The following LINGO2 variants were observed in gnomAD, a reference collection of about 807,000 sequenced individuals.
LINGO2 encodes the protein leucine-rich repeat and immunoglobulin-like domain-containing nogo receptor-interacting protein 2.
A neutral mutation model predicts 30.6 loss-of-function variants in LINGO2; 14 were observed. That is an observed-to-expected ratio of 0.46 (90% confidence interval 0.30 to 0.72). LINGO2 has a LOEUF of 0.72. Ranked by LOEUF, LINGO2 falls within the 30% of genes least tolerant of loss-of-function variation. LINGO2 has a pLI of 0.07. For synonymous variants in LINGO2, 317 were observed against 288.5 expected (o/e 1.10, Z -1.00); for missense variants, 729 against 751.7 (o/e 0.97, Z 0.35).
At chr9:28,955,723 A>C in the LINGO2 span, among the ~76,000 whole-genome samples, 1 of 152,140 alleles carries the variant, frequency 6.6e-6, no homozygotes, top group African/African-American at 2.4e-5. Context: ...CCCTTTAACC[A>C]TAATAGGGAA....
At chr9:28,340,707 C>T (rs1825739256) in intron 3 of LINGO2, among the ~76,000 whole-genome samples, 1 of 151,926 alleles carries the variant, frequency 6.6e-6, no homozygotes, top group African/African-American at 2.4e-5. Flanking sequence ...CAAAGCAATT[C>T]CAGGAAAAAA....
intron 2 of LINGO2, among the ~76,000 whole-genome samples, chr9:28,408,095 G>A (rs144958728): frequency 2.6e-5 from 4 of 152,214 alleles, no homozygotes; most frequent in Non-Finnish European, 5.9e-5. Context: ...TCTGTAAAGG[G>A]AGGAGGCAGT....
At chr9:28,121,352 T>G (rs1484789035) in intron 4 of LINGO2, among the ~76,000 whole-genome samples, 1 of 152,198 alleles carries the variant, frequency 6.6e-6, no homozygotes, top group Non-Finnish European at 1.5e-5. Flanking sequence ...ACCTATGCAA[T>G]GTAGGAATAA....
At chr9:28,264,088 T>C (rs776508531) in intron 4 of LINGO2, among the ~76,000 whole-genome samples, 2 of 151,988 alleles carry the variant, frequency 1.3e-5, no homozygotes, top group Non-Finnish European at 2.9e-5. Flanking sequence ...AAAAAATCTG[T>C]AGCCATCAAA....
intron 1 of LINGO2, among the ~76,000 whole-genome samples, chr9:28,569,166 G>T (rs10968656): frequency 0.11 from 16,244 of 151,902 alleles, 1,098 homozygotes; most frequent in East Asian, 0.26. Context: ...TACTGAAAAA[G>T]TAAACTTTGT....
the LINGO2 span, among the ~76,000 whole-genome samples, chr9:28,978,808 G>GAA: frequency 6.8e-6 from 1 of 148,086 alleles, no homozygotes; most frequent in African/African-American, 2.5e-5. Context: ...TTTATCCCAG[G>GAA]AAAAAAAATA....
chr9:28,785,696 AC>A, the LINGO2 span, among the ~76,000 whole-genome samples: 1 of 145,386 alleles, frequency 6.9e-6, no homozygotes, highest in Non-Finnish European at 1.5e-5. Flanking sequence ...GCACACACAC[AC>A]ACACACACAT....
chr9:28,159,196 G>A (rs1440056055), intron 4 of LINGO2, among the ~76,000 whole-genome samples: 1 of 152,100 alleles, frequency 6.6e-6, no homozygotes, highest in Non-Finnish European at 1.5e-5. Context: ...AAGAATTTTA[G>A]TTTGTTTTTA....
chr9:28,219,127 T>G (rs1483936056), intron 4 of LINGO2, among the ~76,000 whole-genome samples: 1 of 152,194 alleles, frequency 6.6e-6, no homozygotes, highest in Non-Finnish European at 1.5e-5. Context: ...TGAATATCAT[T>G]CCTTAGTGGC....
the LINGO2 span, among the ~76,000 whole-genome samples, chr9:29,052,822 G>A: frequency 2.0e-5 from 3 of 152,192 alleles, no homozygotes; most frequent in Middle Eastern, 3.4e-3. Context: ...GCTGGTATCT[G>A]ACCAACCATT....
At chr9:29,073,031 G>T in the LINGO2 span, among the ~76,000 whole-genome samples, 2 of 149,908 alleles carry the variant, frequency 1.3e-5, no homozygotes, top group South Asian at 2.1e-4. Flanking sequence ...TCACAGCTTG[G>T]CTAGAACCCC....
the LINGO2 span, among the ~76,000 whole-genome samples, chr9:29,170,027 C>G: frequency 1.3e-5 from 2 of 151,774 alleles, no homozygotes; most frequent in Non-Finnish European, 2.9e-5. Flanking sequence ...ACAACAACAA[C>G]AAAAAACAGT....
intron 5 of LINGO2, among the ~76,000 whole-genome samples, chr9:27,953,296 A>G (rs1204554339): frequency 1.2e-4 from 18 of 152,210 alleles, no homozygotes; most frequent in Non-Finnish European, 2.9e-5. Context: ...CTAGAAATGT[A>G]TCATTAGAAA....
chr9:28,383,257 TGTGTGTG>T lies in LINGO2; in HGVS notation c.-278-10396_-278-10390del, dbSNP rs1324512650. On this transcript the variant is annotated intron_variant, in intron 2 of 5. Coordinates refer to ENST00000379992, the Ensembl canonical transcript of LINGO2. ...AAACACTATAGATCACCATTCATTG[TGTGTGTG>T]TGTGTGTGTGTGTGTGTGTGTGTGT... Among the ~76,000 whole-genome samples, 1,267 of 149,004 alleles carry T rather than the reference TGTGTGTG, an allele frequency of 8.5e-3. 14 individuals are homozygous for T. Among genetic ancestry groups the T allele is most frequent in the African/African-American group, 0.024 (954 of 40,002 alleles).
At chr9:27,952,547 C>CA (rs1819367675) in intron 5 of LINGO2, among the ~76,000 whole-genome samples, 1 of 151,636 alleles carries the variant, frequency 6.6e-6, no homozygotes, top group South Asian at 2.1e-4. Flanking sequence ...ACATAAGATA[C>CA]AAAACTATAA....
the LINGO2 span, among the ~76,000 whole-genome samples, chr9:28,981,743 A>T: frequency 2.0e-5 from 3 of 152,076 alleles, no homozygotes; most frequent in African/African-American, 7.2e-5. Context: ...ACTTGCAAGG[A>T]CTTTAGCTTA....
At chr9:28,125,100 A>C (rs905196713) in intron 4 of LINGO2, among the ~76,000 whole-genome samples, 3 of 152,232 alleles carry the variant, frequency 2.0e-5, no homozygotes, top group African/African-American at 4.8e-5. Flanking sequence ...GCCAGAAAAC[A>C]CAAAGTGAAG....
At chr9:28,955,738 C>G in the LINGO2 span, among the ~76,000 whole-genome samples, 1 of 152,046 alleles carries the variant, frequency 6.6e-6, no homozygotes, top group Non-Finnish European at 1.5e-5. Context: ...AGGGAATTGC[C>G]ACTGGTCCTC....
the LINGO2 span, among the ~76,000 whole-genome samples, chr9:29,041,832 C>A: frequency 6.6e-6 from 1 of 151,886 alleles, no homozygotes; most frequent in Non-Finnish European, 1.5e-5. Flanking sequence ...GTTTTCTCTG[C>A]CAAAGCTCAT....
Sources: gnomAD v4.1 joint callset for allele counts (sites outside exome capture counted in the v4.1 genomes callset) on GRCh38, gnomAD v4.1.1 for gene constraint, MANE v1.5 for transcripts, NCBI Gene and HGNC (gene_info 2026-07-23, HGNC 2026-07-21) for gene names.